The following COIL variants were observed in gnomAD, a reference collection of about 807,000 sequenced individuals.
COIL encodes the protein coilin p80.
A neutral mutation model predicts 51.6 loss-of-function variants in COIL; 28 were observed. The ratio of observed to expected loss-of-function variants is 0.54; its 90% CI spans 0.40 to 0.74. The LOEUF is 0.74. Among genes scored for constraint, COIL ranks in the 30% least tolerant of loss-of-function variants. The pLI is 0.00. For synonymous variants in COIL, 233 were observed against 255.8 expected (o/e 0.91, Z 0.85); for missense variants, 667 against 685.9 (o/e 0.97, Z 0.31).
chr17:56,948,965 G>GA (rs890065728), intron 4 of COIL, among the ~76,000 whole-genome samples: 10 of 151,844 alleles, frequency 6.6e-5, no homozygotes, highest in Non-Finnish European at 1.5e-4. Context: ...AAACTAATTA[G>GA]AAAAAAGTAA....
intron 6 of COIL, 114 bp from the exon 7 acceptor site, chr17:56,939,268 T>C (rs1201875653): frequency 1.5e-6 from 1 of 666,154 alleles, no homozygotes; most frequent in African/African-American, 1.8e-5. Flanking sequence ...GGGAATAATT[T>C]GGGTTCCAAT....
chr17:56,946,988 A>G (rs1910261166), intron 4 of COIL, among the ~76,000 whole-genome samples: 1 of 152,166 alleles, frequency 6.6e-6, no homozygotes, highest in South Asian at 2.1e-4. Flanking sequence ...CCCAGGAGAA[A>G]CCAGAAGGCA....
At chr17:56,951,406 T>C in intron 1 of COIL, 1 of 160,700 alleles carries the variant, frequency 6.2e-6, no homozygotes, top group Non-Finnish European at 1.3e-5. Context: ...CTTTCTACAA[T>C]ATGCATGTCA....
intron 1 of COIL, among the ~76,000 whole-genome samples, chr17:56,956,100 C>A (rs1373112501): frequency 6.6e-6 from 1 of 152,148 alleles, no homozygotes; most frequent in African/African-American, 2.4e-5. Flanking sequence ...AGATATACCC[C>A]ATACCCCAAA....
chr17:56,954,049 T>C (rs1175758897), intron 1 of COIL, among the ~76,000 whole-genome samples: 1 of 152,150 alleles, frequency 6.6e-6, no homozygotes, highest in African/African-American at 2.4e-5. Flanking sequence ...CTTGTAGCAA[T>C]GATCCAAGCT....
chr17:56,957,781 A>AACT (rs1034012804), intron 1 of COIL, among the ~76,000 whole-genome samples: 28 of 152,310 alleles, frequency 1.8e-4, no homozygotes, highest in African/African-American at 6.7e-4. Flanking sequence ...AGCCCCAGCA[A>AACT]ACTAACACAG....
chr17:56,951,063 T>C, intron 1 of COIL, 67 bp from the exon 2 acceptor site: 2 of 1,382,396 alleles, frequency 1.4e-6, no homozygotes, highest in East Asian at 2.3e-5. Flanking sequence ...GACATAGTTA[T>C]ATACTGAGAT....
At position 56,939,010 on chromosome 17, in the gene COIL, T is replaced by G; in HGVS notation, c.*61A>C. 1.1e-6 allele frequency: 1 copy of G among 942,012 alleles called. No individual in the cohort carries two copies. The highest frequency in any genetic ancestry group is 1.6e-6 in the Non-Finnish European group (1 of 613,406). The allele number at this position is 942,012 out of a possible 1,614,324, so 58.4% of individuals were successfully genotyped here. ...ATCCTCTTTAAAAAAAAAAAAAAGT[T>G]TGGGTTATAGTCACTTTCACAAACA... is the stretch of plus-strand genomic sequence containing the variant. On this transcript the variant is annotated 3_prime_UTR_variant, in exon 7 of 7. Transcript: ENST00000240316.
At chr17:56,953,517 G>A (rs1344672678) in intron 1 of COIL, among the ~76,000 whole-genome samples, 1 of 152,048 alleles carries the variant, frequency 6.6e-6, no homozygotes, top group African/African-American at 2.4e-5. Context: ...GGAGGTCCAG[G>A]CTGCAGTGAG....
At chr17:56,959,149 AGCCT>A (rs2144407457) in intron 1 of COIL, among the ~76,000 whole-genome samples, 1 of 152,306 alleles carries the variant, frequency 6.6e-6, no homozygotes, top group South Asian at 2.1e-4. Flanking sequence ...ATTCGAGACC[AGCCT>A]GGGCAACATG....
At chr17:56,944,482 C>T (rs1403511803) in intron 5 of COIL, among the ~76,000 whole-genome samples, 3 of 151,516 alleles carry the variant, frequency 2.0e-5, no homozygotes, top group African/African-American at 7.3e-5. Context: ...GTCCCAGCTG[C>T]TCGGGAGGCT....
At chr17:56,951,076 C>T in intron 1 of COIL, 80 bp from the exon 2 acceptor site, 1 of 1,311,796 alleles carries the variant, frequency 7.6e-7, no homozygotes, top group Non-Finnish European at 1.0e-6. Flanking sequence ...ACTGAGATGA[C>T]TCTACAAAAT....
Position 56,950,013 on chromosome 17 carries a change from C to A in COIL, c.1229G>T (p.Arg410Leu). 1.2e-6 allele frequency: 2 copies of A among 1,614,160 alleles called. No homozygotes were observed. Among genetic ancestry groups the A allele is most frequent in the Non-Finnish European group, 1.7e-6 (2 of 1,180,028 alleles). The change falls in exon 2 of 7, where the codon CGG (arginine) becomes CTG (leucine). Residue 410 changes from arginine to leucine, a missense_variant. Arg to Leu is a moderately radical substitution (Grantham distance 102). Coordinates refer to ENST00000240316, the MANE Select transcript of COIL (RefSeq NM_004645.3). ...TCCTCGACCTCTCCCCCGCATGCCC[C>A]GTCCCTTAGCTCCCTTCCAAGAAAA... ...NLFSWKGAKG[R>L]GMRGRGRGRG...
At chr17:56,943,583 T>G (rs1426962711) in intron 5 of COIL, among the ~76,000 whole-genome samples, 1 of 152,274 alleles carries the variant, frequency 6.6e-6, no homozygotes, top group African/African-American at 2.4e-5. Flanking sequence ...TGCTCTGCTC[T>G]GTATGTGAAC....
chr17:56,955,895 A>C (rs2332854), intron 1 of COIL, among the ~76,000 whole-genome samples: 116,213 of 151,982 alleles, frequency 0.76, 45,202 homozygotes, highest in East Asian at 0.99. Context: ...ATAATTTTCC[A>C]AGTACAAAAA....
intron 4 of COIL, 67 bp downstream of exon 4, chr17:56,949,320 G>C: frequency 8.1e-7 from 1 of 1,232,898 alleles, no homozygotes; most frequent in Non-Finnish European, 1.1e-6. Flanking sequence ...ATCCATACAA[G>C]TAGTATTAAA....
intron 1 of COIL, among the ~76,000 whole-genome samples, chr17:56,958,452 G>A (rs1462861489): frequency 6.6e-6 from 1 of 152,182 alleles, no homozygotes; most frequent in African/African-American, 2.4e-5. Context: ...TTTTTCTACG[G>A]TCTGCCCATT....
At chr17:56,941,055 T>A (rs1463304270) in intron 6 of COIL, 1 of 142,284 alleles carries the variant, frequency 7.0e-6, no homozygotes, top group Non-Finnish European at 1.5e-5. Context: ...GAGAATGGTG[T>A]GAACCCGGGA....
intron 1 of COIL, chr17:56,951,295 G>T (rs963698312): frequency 2.0e-4 from 49 of 250,082 alleles, no homozygotes; most frequent in Non-Finnish European, 3.1e-4. Context: ...TTTACAGATC[G>T]CAAAATTACA....
Sources: gnomAD v4.1 joint callset for allele counts (sites outside exome capture counted in the v4.1 genomes callset) on GRCh38, gnomAD v4.1.1 for gene constraint, MANE v1.5 for transcripts, NCBI Gene and HGNC (gene_info 2026-07-23, HGNC 2026-07-21) for gene names.